The following EIF4B variants were observed in gnomAD, a reference collection of about 807,000 sequenced individuals.
The protein encoded by EIF4B is eukaryotic translation initiation factor 4B.
EIF4B carries 8 observed loss-of-function variants against 79.3 expected under a neutral mutation model. That is an observed-to-expected ratio of 0.10 (90% CI 0.06 to 0.18). The LOEUF (loss-of-function observed/expected upper bound fraction) is 0.18, where lower values mean the gene tolerates loss of function less well. Ranked by LOEUF, EIF4B falls within the 10% of genes least tolerant of loss-of-function variation. The pLI is 1.00. For synonymous variants in EIF4B, 238 were observed against 274.7 expected (o/e 0.87, Z 1.32); for missense variants, 515 against 792.4 (o/e 0.65, Z 4.20).
intron 1 of EIF4B, chr12:53,015,017 CTG>C (rs1244098125): frequency 6.6e-6 from 1 of 152,198 alleles, no homozygotes; most frequent in Non-Finnish European, 1.5e-5. Context: ...TATTCCATAA[CTG>C]TGGGAAACAC....
chr12:53,035,359 T>TTTTA (rs1170578117), intron 10 of EIF4B, among the ~76,000 whole-genome samples: 1 of 151,446 alleles, frequency 6.6e-6, no homozygotes, highest in African/African-American at 2.4e-5. Context: ...CAGCTAAATT[T>TTTTA]TTTATTTATT....
At chr12:53,022,672 G>C in intron 6 of EIF4B, 45 bp downstream of exon 6, 1 of 1,591,986 alleles carries the variant, frequency 6.3e-7, no homozygotes, top group Non-Finnish European at 8.6e-7. Context: ...GCTTTGGGAG[G>C]CTATTTAGTA....
At chr12:53,036,736 T>C (rs182544412) in intron 10 of EIF4B, among the ~76,000 whole-genome samples, 2 of 152,176 alleles carry the variant, frequency 1.3e-5, no homozygotes, top group East Asian at 3.9e-4. Context: ...GTGTAGGTTG[T>C]TGTTTTTTGA....
At chr12:53,039,800 C>A in intron 14 of EIF4B, 98 bp downstream of exon 14, 1 of 1,369,582 alleles carries the variant, frequency 7.3e-7, no homozygotes, top group Non-Finnish European at 9.9e-7. Context: ...GTATTCTAAA[C>A]TTTTTGCCGT....
In EIF4B at chr12:53,041,822, T is replaced by A. The variant is rs1283389451; in HGVS notation, c.*1599T>A. ...ACCAAGTGAATTTAAATAATTGGTG[T>A]GGATTGGCCAGTAGCTAAGAAGTGG... is the stretch of plus-strand genomic sequence containing the variant. On this transcript the variant is annotated 3_prime_UTR_variant, in exon 15 of 15. Transcript: ENST00000262056. The A allele has an allele frequency of 1.7e-5, 2 of 120,698 alleles. No individual in the cohort carries two copies. Among genetic ancestry groups the A allele is most frequent in the Non-Finnish European group, 2.1e-5 (1 of 47,316 alleles). The allele number at this position is 120,698 out of a possible 1,614,324, so 7.5% of individuals were successfully genotyped here. A position where few individuals can be genotyped will look rare whatever the true frequency, so the allele number is the denominator to read the frequency against.
In EIF4B at chr12:53,039,280, C is replaced by T. The variant is rs373266903; in HGVS notation, c.1619C>T (p.Thr540Ile). ...VDGMNAPKGQ[T>I]GNSSRGPGDG... ...GGGATGAATGCCCCAAAAGGCCAAA[C>T]TGGGAACTCTAGCCGTGGTCCAGGC... The change falls in exon 13 of 15, where the codon ACT becomes ATT. Residue 540 changes from threonine (T) to isoleucine (I), a missense_variant. Thr to Ile is a moderately conservative substitution (Grantham distance 89). Transcript: ENST00000262056. 10 of 1,611,052 alleles carry T rather than the reference C, an allele frequency of 6.2e-6. No individual in the cohort carries two copies. The highest frequency in any genetic ancestry group is 6.8e-6 in the Non-Finnish European group (8 of 1,178,346).
At chr12:53,025,861 A>G (rs1188527514) in intron 6 of EIF4B, among the ~76,000 whole-genome samples, 1 of 152,170 alleles carries the variant, frequency 6.6e-6, no homozygotes, top group Non-Finnish European at 1.5e-5. Context: ...TAATCCCAGC[A>G]CTTTGGGAGG....
In EIF4B at chr12:53,009,651, A is replaced by G. The variant is rs1943029436; in HGVS notation, c.13+3155A>G. Among the ~76,000 whole-genome samples the G allele has an allele frequency of 2.0e-5, 3 of 152,334 alleles. No homozygotes were observed. The South Asian group carries it at 6.2e-4, about 32-fold the overall frequency. ...AAGATGCTCTGCAGTGGTTGTTTTC[A>G]TACACTGCTGACTCTCACAGTGAAA... On this transcript the variant is annotated intron_variant, in intron 1 of 14. Transcript: ENST00000262056.
intron 2 of EIF4B, among the ~76,000 whole-genome samples, chr12:53,018,518 T>G (rs536128755): frequency 1.3e-5 from 2 of 152,260 alleles, no homozygotes; most frequent in South Asian, 4.1e-4. Flanking sequence ...AAAGATAAGA[T>G]GGGATATAAT....
intron 12 of EIF4B, 139 bp from the exon 13 acceptor site, chr12:53,039,099 G>C (rs558727790): frequency 3.4e-6 from 2 of 588,722 alleles, no homozygotes; most frequent in Non-Finnish European, 6.0e-6. Context: ...AGGGCTTCAG[G>C]AAGGAAGTCT....
At chr12:53,022,343 G>C in intron 5 of EIF4B, 150 bp from the exon 6 acceptor site, 1 of 1,120,744 alleles carries the variant, frequency 8.9e-7, no homozygotes, top group Non-Finnish European at 1.3e-6. Flanking sequence ...GGTTGAATTG[G>C]AGCATGTACT....
At position 53,028,038 on chromosome 12, in the gene EIF4B, G is replaced by A. The variant is rs1442620100; in HGVS notation, c.829G>A (p.Gly277Ser). 6.2e-7 allele frequency: 1 copy of A among 1,612,582 alleles called. No individual in the cohort carries two copies. Among genetic ancestry groups the A allele is most frequent in the Non-Finnish European group, 8.5e-7 (1 of 1,179,138 alleles). Residue 277 changes from glycine to serine, a missense_variant, in exon 8 of 15, where the codon GGC (glycine) becomes AGC (serine). Around this residue, in one of 6 missense-constraint regions of EIF4B, gnomAD observed 187 missense variants for 256.5 expected, o/e 0.73. Transcript: ENST00000262056. ...DRGYDSRIGS[G>S]RRAFGSGYRR... ...AGGCTATGATTCCCGGATAGGCAGT[G>A]GCAGAAGAGCATTTGGCAGTGGGTA... is the stretch of plus-strand genomic sequence containing the variant.
chr12:53,010,014 T>C (rs187844381), intron 1 of EIF4B, among the ~76,000 whole-genome samples: 1 of 152,246 alleles, frequency 6.6e-6, no homozygotes, highest in Non-Finnish European at 1.5e-5. Flanking sequence ...TTCTTAAATT[T>C]GTAGTAGATA....
At chr12:53,026,165 C>A (rs780296531) in intron 6 of EIF4B, among the ~76,000 whole-genome samples, 161 of 151,902 alleles carry the variant, frequency 1.1e-3, no homozygotes, top group Non-Finnish European at 1.5e-3. Context: ...GCTCTTAAAA[C>A]GTGTAGGTTG....
chr12:53,014,937 G>A (rs374462171), intron 1 of EIF4B: 1 of 152,148 alleles, frequency 6.6e-6, no homozygotes, highest in African/African-American at 2.4e-5. Flanking sequence ...GTGACTTCTC[G>A]GAAGTTCTGA....
chr12:53,012,640 T>C lies in EIF4B; in HGVS notation c.14-3833T>C, dbSNP rs1278224632. Among the ~76,000 whole-genome samples the C allele has an allele frequency of 2.0e-5, 3 of 151,036 alleles. No homozygotes were observed. In the East Asian group the frequency reaches 5.8e-4, roughly 29 times the overall value. On this transcript the variant is annotated intron_variant, in intron 1 of 14. Transcript: ENST00000262056. ...TTTTTGTGGGGGACGGAGTCTCGCT[T>C]TGTAGCCCAGGCTGGAGTGCAGTGG...
At chr12:53,039,432 A>C in intron 13 of EIF4B, 89 bp downstream of exon 13, 1 of 1,266,102 alleles carries the variant, frequency 7.9e-7, no homozygotes, top group Non-Finnish European at 1.1e-6. Flanking sequence ...GCACTGCCAG[A>C]TCGCTCATTG....
rs749323682 is a variant in EIF4B at position 53,028,011 on chromosome 12, A to G, written c.806-4A>G. ...GATGATTATAATTTGGGATATATTT[A>G]CAGGCTATGATTCCCGGATAGGCAG... On this transcript the variant is annotated splice_polypyrimidine_tract_variant and splice_region_variant and intron_variant, in intron 7 of 14. Coordinates refer to ENST00000262056, the MANE Select transcript of EIF4B (RefSeq NM_001417.7). The G allele has an allele frequency of 6.2e-7, 1 of 1,609,314 alleles. No homozygotes were observed. The highest frequency in any genetic ancestry group is 8.5e-7 in the Non-Finnish European group (1 of 1,176,850).
At chr12:53,017,225 C>T (rs980094350) in intron 2 of EIF4B, among the ~76,000 whole-genome samples, 4 of 145,386 alleles carry the variant, frequency 2.8e-5, no homozygotes, top group African/African-American at 5.1e-5. Flanking sequence ...TGCACTCCAG[C>T]GTGGGAGACA....
Sources: gnomAD v4.1 joint callset for allele counts (sites outside exome capture counted in the v4.1 genomes callset) on GRCh38, gnomAD v4.1.1 for gene constraint, gnomAD v4.1.1 regional missense constraint, MANE v1.5 for transcripts, NCBI Gene and HGNC (gene_info 2026-07-23, HGNC 2026-07-21) for gene names.